The following DRP2 variants were observed in gnomAD, a reference collection of about 807,000 sequenced individuals.
DRP2 encodes the protein dystrophin related protein 2.
DRP2 carries 29 observed loss-of-function variants against 78.2 expected under a neutral mutation model. The ratio of observed to expected loss-of-function variants is 0.37; its 90% CI spans 0.28 to 0.51. The LOEUF is 0.51. Ranked by LOEUF, DRP2 falls within the 20% of genes least tolerant of loss-of-function variation. The pLI is 0.94. For synonymous variants in DRP2, 290 were observed against 281.9 expected, an observed-to-expected ratio of 1.03 and a Z score of -0.29; for missense variants, 686 against 770.6, an observed-to-expected ratio of 0.89 and a Z score of 1.30.
intron 5 of DRP2, among the ~76,000 whole-genome samples, chrX:101,238,383 T>C (rs1306714625): frequency 9.4e-6 from 1 of 106,382 alleles, no homozygotes; most frequent in East Asian, 3.0e-4. Context: ...AAAAGCCGGA[T>C]ACAAAAAGAG....
chrX:101,258,427 G>A lies in DRP2; in HGVS notation c.2509G>A (p.Ala837Thr). 1 of 1,206,127 alleles carries A rather than the reference G, an allele frequency of 8.3e-7. No homozygotes were observed. The highest frequency in any genetic ancestry group is 2.2e-5 in the Admixed American group (1 of 45,469). Residue 837 changes from alanine to threonine, a missense_variant, in exon 22 of 24, where the codon GCC becomes ACC. Physicochemically the swap from Ala to Thr is moderately conservative, Grantham distance 58. This residue lies in a region of DRP2 where 423 missense variants were observed against 531.5 expected (regional missense o/e 0.80). Transcript: ENST00000395209. ...AGACCACCGCAATGAGGAGCTTCTG[G>A]CCGAGGCCCGTATCCTTCGGCAACA... is the stretch of plus-strand genomic sequence containing the variant. ...ATDHRNEELL[A>T]EARILRQHKS... is the part of the protein sequence containing the mutation.
At chrX:101,227,005 C>T (rs1413290487) in intron 2 of DRP2, among the ~76,000 whole-genome samples, 1 of 112,039 alleles carries the variant, frequency 8.9e-6, no homozygotes. Flanking sequence ...TGAAGCATCC[C>T]AAGATGGCAC....
intron 9 of DRP2, among the ~76,000 whole-genome samples, chrX:101,243,624 G>A (rs1408576000): frequency 3.6e-5 from 4 of 111,728 alleles, no homozygotes; most frequent in Admixed American, 9.5e-5. Flanking sequence ...GCCTTCTGTG[G>A]GCCAGATACT....
intron 3 of DRP2, among the ~76,000 whole-genome samples, chrX:101,235,294 G>A (rs1282461703): frequency 8.9e-6 from 1 of 112,354 alleles, no homozygotes; most frequent in Non-Finnish European, 1.9e-5. Flanking sequence ...CTTCCTGACT[G>A]TGGTGGACAC....
chrX:101,243,046 T>C, intron 9 of DRP2, 64 bp downstream of exon 9: 2 of 1,068,382 alleles, frequency 1.9e-6, no homozygotes. Context: ...GAGTCTATTG[T>C]TATCCCCTGG....
chrX:101,228,345 C>T (rs940336784), intron 2 of DRP2, among the ~76,000 whole-genome samples: 1 of 112,517 alleles, frequency 8.9e-6, no homozygotes, highest in East Asian at 2.8e-4. Flanking sequence ...TATACAATGA[C>T]GATAGCTAAC....
At chrX:101,245,734 G>A (rs1249080242) in intron 11 of DRP2, among the ~76,000 whole-genome samples, 1 of 111,469 alleles carries the variant, frequency 9.0e-6, no homozygotes, top group Non-Finnish European at 1.9e-5. Context: ...GAGTAGAATG[G>A]TGGCTGCCAG....
chrX:101,227,968 A>G (rs1325012684), intron 2 of DRP2, among the ~76,000 whole-genome samples: 6 of 112,400 alleles, frequency 5.3e-5, no homozygotes, highest in Non-Finnish European at 3.8e-5. Flanking sequence ...AACGACCACT[A>G]AAAGTGTGGA....
chrX:101,243,137 A>C, intron 9 of DRP2, 155 bp downstream of exon 9: 1 of 450,051 alleles, frequency 2.2e-6, no homozygotes. Context: ...TTAAAAGAAC[A>C]GTCTCTCGGC....
intron 1 of DRP2, among the ~76,000 whole-genome samples, chrX:101,221,751 C>T (rs1448921735): frequency 8.9e-6 from 1 of 111,974 alleles, no homozygotes; most frequent in Non-Finnish European, 1.9e-5. Context: ...GCCCTTCTAA[C>T]TATGGATGCT....
Position 101,254,575 on chromosome X carries a change from G to A in DRP2, c.2114+14G>A. 4 of 1,211,572 alleles carry A rather than the reference G, an allele frequency of 3.3e-6. No individual in the cohort carries two copies. The highest frequency in any genetic ancestry group is 4.5e-6 in the Non-Finnish European group (4 of 895,350). ...CTACAGTGAGACGTGAGTACTGGTG[G>A]CTGAGCAGGGGCTGTGGGCAGCCTC... On this transcript the variant is annotated intron_variant, in intron 18 of 23. Transcript: ENST00000395209.
rs755879788 is a variant in DRP2 at position 101,219,806 on chromosome X, A to G, written c.-507A>G. 9.3e-6 allele frequency: 1 copy of G among 107,095 alleles called. No homozygotes were observed. Among genetic ancestry groups the G allele is most frequent in the South Asian group, 4.3e-4 (1 of 2,337 alleles). 8.8% of individuals were successfully genotyped at this position (107,095 alleles called of 1,213,427 possible). A position where few individuals can be genotyped will look rare whatever the true frequency, so the allele number is the denominator to read the frequency against. ...TCTTCCGCTTTCCTCCTCTGCTTCT[A>G]ATGAATTGACATCTCCAAGAGCCGC... is the stretch of plus-strand genomic sequence containing the variant. On this transcript the variant is annotated 5_prime_UTR_variant, in exon 1 of 24. Coordinates refer to ENST00000395209, the MANE Select transcript of DRP2 (RefSeq NM_001939.3).
chrX:101,258,267 C>G (rs1923421812), intron 21 of DRP2, 42 bp from the exon 22 acceptor site: 2 of 1,100,220 alleles, frequency 1.8e-6, no homozygotes, highest in African/African-American at 3.7e-5. Context: ...ACAGTCAGAG[C>G]CCTGTTAGAG....
Position 101,246,988 on chromosome X carries a change from G to A in DRP2, c.1178-102G>A, listed in dbSNP as rs770623469. ...CTCTTGTTGACACTTGCTATTGTCA[G>A]ACATCTATTGGTTGCCAGTCTGGTG... On this transcript the variant is annotated intron_variant, in intron 11 of 23. Transcript: ENST00000395209. 2.9e-5 allele frequency: 18 copies of A among 628,175 alleles called. No individual in the cohort carries two copies. In the African/African-American group the frequency reaches 3.8e-4, roughly 13 times the overall value. 51.8% of individuals were successfully genotyped at this position (628,175 alleles called of 1,213,427 possible).
intron 9 of DRP2, among the ~76,000 whole-genome samples, chrX:101,244,585 C>T (rs1177611612): frequency 9.0e-6 from 1 of 111,653 alleles, no homozygotes; most frequent in Non-Finnish European, 1.9e-5. Context: ...TACCCACAGT[C>T]CCACAGGACT....
Position 101,258,496 on chromosome X carries a change from A to C in DRP2, c.2578A>C (p.Asn860His). ...GCGCATGCAGATCCTCGAAGATCAC[A>C]ACAAGCAGCTAGAGTCCCAGCTGCA... ...ETRMQILEDH[N>H]KQLESQLQRL... Residue 860 changes from asparagine to histidine, a missense_variant, in exon 22 of 24, where the codon AAC becomes CAC. Coordinates refer to ENST00000395209, the MANE Select transcript of DRP2 (RefSeq NM_001939.3). The C allele has an allele frequency of 8.4e-7, 1 of 1,191,874 alleles. No individual in the cohort carries two copies. The highest frequency in any genetic ancestry group is 1.1e-6 in the Non-Finnish European group (1 of 885,084).
At chrX:101,249,369 C>T (rs770998605) in intron 14 of DRP2, among the ~76,000 whole-genome samples, 3 of 112,210 alleles carry the variant, frequency 2.7e-5, no homozygotes, top group East Asian at 2.8e-4. Context: ...GGGAAGAGAA[C>T]GTTTCCAAAC....
At chrX:101,246,913 A>C (rs2147345100) in intron 11 of DRP2, among the ~76,000 whole-genome samples, 177 bp from the exon 12 acceptor site, 1 of 112,113 alleles carries the variant, frequency 8.9e-6, no homozygotes, top group African/African-American at 3.2e-5. Flanking sequence ...TTGTTTTCAA[A>C]GATGATTGTG....
chrX:101,235,854 G>A lies in DRP2; in HGVS notation c.118-6G>A. On this transcript the variant is annotated splice_region_variant and splice_polypyrimidine_tract_variant and intron_variant, in intron 3 of 23. Coordinates refer to ENST00000395209, the MANE Select transcript of DRP2 (RefSeq NM_001939.3). ...AGGATCACAGGATGTTTGTGTTTCT[G>A]TCCAGGTTAGAGCTGCTGTCACCAG... is the stretch of plus-strand genomic sequence containing the variant. The A allele has an allele frequency of 8.3e-7, 1 of 1,201,513 alleles. No individual in the cohort carries two copies. The highest frequency in any genetic ancestry group is 1.8e-5 in the South Asian group (1 of 55,639).
Sources: allele counts gnomAD v4.1 joint callset (sites outside exome capture counted in the v4.1 genomes callset), GRCh38; gene constraint gnomAD v4.1.1; regional missense constraint gnomAD v4.1.1; transcripts MANE v1.5; gene names NCBI Gene and HGNC (gene_info 2026-07-23, HGNC 2026-07-21).